Variants in TOM1L2 observed in about 807,000 individuals in gnomAD.
TOM1L2 encodes the protein TOM1-like protein 2.
In TOM1L2, 31 loss-of-function variants were observed where a neutral mutation model predicts 67.9. The observed-to-expected ratio is 0.46, with a 90% CI of 0.34 to 0.62. The LOEUF is 0.62. TOM1L2 is among the 20% of genes least tolerant of loss of function. The pLI, the probability that TOM1L2 is intolerant of heterozygous loss-of-function variation, is 0.01. For synonymous variants in TOM1L2, 256 were observed against 254.0 expected, an observed-to-expected ratio of 1.01 and a Z score of -0.07; for missense variants, 606 against 663.5, an observed-to-expected ratio of 0.91 and a Z score of 0.95.
At chr17:17,954,315 T>C (rs1206820713) in intron 1 of TOM1L2, among the ~76,000 whole-genome samples, 1 of 150,104 alleles carries the variant, frequency 6.7e-6, no homozygotes, top group Non-Finnish European at 1.5e-5. Context: ...AATCATTCTT[T>C]TTTTTTTTTT....
At chr17:17,972,089 C>T (rs2042125538) in intron 1 of TOM1L2, among the ~76,000 whole-genome samples, 173 bp downstream of exon 1, 1 of 151,524 alleles carries the variant, frequency 6.6e-6, no homozygotes, top group Non-Finnish European at 1.5e-5. Flanking sequence ...CACAAGCGCC[C>T]GGCAAAGGCC....
At chr17:17,864,563 G>A (rs1483302958) in intron 10 of TOM1L2, among the ~76,000 whole-genome samples, 2 of 150,134 alleles carry the variant, frequency 1.3e-5, no homozygotes, top group Admixed American at 6.7e-5. Context: ...TCAGGCTGCA[G>A]TGCAGTGGCA....
chr17:17,931,827 T>C (rs184918487), intron 1 of TOM1L2, among the ~76,000 whole-genome samples: 1 of 152,286 alleles, frequency 6.6e-6, no homozygotes, highest in Non-Finnish European at 1.5e-5. Context: ...GACTTCCTAT[T>C]TCACACAATA....
chr17:17,898,640 G>C lies in TOM1L2; in HGVS notation c.172C>G (p.Leu58Val). Reference protein sequence around the residue: ...KDAIRALKKRLNGNRNYREVM... With the variant: ...KDAIRALKKRVNGNRNYREVM... ...TCTCTGTAGTTCCGGTTCCCGTTGAGCCGCTTCTTCAGGGCTCGAATGGCA... is the reference window on the plus strand; with the variant it reads ...TCTCTGTAGTTCCGGTTCCCGTTGACCCGCTTCTTCAGGGCTCGAATGGCA... The change falls in exon 3 of 15, where the codon CTC becomes GTC. Residue 58 changes from leucine (L) to valine (V), a missense_variant. This residue lies in a region of TOM1L2 where 63 missense variants were observed against 109.5 expected (regional missense o/e 0.58). Coordinates refer to ENST00000379504, the MANE Select transcript of TOM1L2 (RefSeq NM_001082968.2). 6.2e-7 allele frequency: 1 copy of C among 1,614,240 alleles called. No homozygotes were observed. The highest frequency in any genetic ancestry group is 8.5e-7 in the Non-Finnish European group (1 of 1,180,048).
At chr17:17,969,101 G>C (rs2041974696) in intron 1 of TOM1L2, among the ~76,000 whole-genome samples, 1 of 149,290 alleles carries the variant, frequency 6.7e-6, no homozygotes, top group African/African-American at 2.5e-5. Context: ...CTGTCGCCCA[G>C]GCTGGAGCGC....
In TOM1L2 at chr17:17,951,670, G is replaced by C. The variant is rs774999748; in HGVS notation, c.52+20592C>G. The stretch of plus-strand genomic sequence containing the variant: ...ATAGCCTTTTTACAGGGCAAGGGGA[G>C]GCCAAGGATGCAGGAGGAACGAGTC... On this transcript the variant is annotated intron_variant, in intron 1 of 14. Coordinates refer to ENST00000379504, the MANE Select transcript of TOM1L2 (RefSeq NM_001082968.2). 2.4e-4 allele frequency among the ~76,000 whole-genome samples: 36 copies of C among 152,202 alleles called. 1 individual carries two copies. The highest frequency in any genetic ancestry group is 5.2e-4 in the Admixed American group (8 of 15,284).
intron 1 of TOM1L2, among the ~76,000 whole-genome samples, chr17:17,926,451 A>T (rs1373852755): frequency 6.6e-6 from 1 of 152,204 alleles, no homozygotes; most frequent in Non-Finnish European, 1.5e-5. Context: ...CGTGTTTCAC[A>T]TTCCAAAGCC....
chr17:17,944,176 C>T (rs1451584527), intron 1 of TOM1L2, among the ~76,000 whole-genome samples: 5 of 152,246 alleles, frequency 3.3e-5, no homozygotes, highest in Non-Finnish European at 7.3e-5. Context: ...CCCGGATAGG[C>T]AGGCAGGGGT....
intron 8 of TOM1L2, 98 bp downstream of exon 8, chr17:17,869,242 C>G: frequency 6.4e-7 from 1 of 1,569,792 alleles, no homozygotes; most frequent in Non-Finnish European, 8.6e-7. Context: ...TAATCTCTCT[C>G]CCTCTCCCTC....
At chr17:17,893,562 T>C (rs1245024383) in intron 4 of TOM1L2, 99 bp downstream of exon 4, 1 of 897,158 alleles carries the variant, frequency 1.1e-6, no homozygotes, top group Non-Finnish European at 1.6e-6. Flanking sequence ...GAAGTCTCCA[T>C]TTTTTTTTTC....
chr17:17,857,830 C>T (rs1034961244), intron 12 of TOM1L2: 1 of 1,535,752 alleles, frequency 6.5e-7, no homozygotes, highest in Non-Finnish European at 8.7e-7. Flanking sequence ...ACCTCTACCT[C>T]TCTTCTGGGC....
intron 7 of TOM1L2, among the ~76,000 whole-genome samples, chr17:17,878,455 T>G (rs111430123): frequency 2.5e-4 from 38 of 152,330 alleles, no homozygotes; most frequent in African/African-American, 8.9e-4. Flanking sequence ...CCCCTAGGAC[T>G]GTGTTTTGTG....
At chr17:17,965,929 TG>T (rs1236746704) in intron 1 of TOM1L2, among the ~76,000 whole-genome samples, 1 of 152,086 alleles carries the variant, frequency 6.6e-6, no homozygotes, top group East Asian at 1.9e-4. Flanking sequence ...GAGACCAACG[TG>T]GTCAACATGG....
At chr17:17,881,135 C>T (rs1411701737) in intron 6 of TOM1L2, among the ~76,000 whole-genome samples, 2 of 152,232 alleles carry the variant, frequency 1.3e-5, no homozygotes, top group Non-Finnish European at 2.9e-5. Context: ...AATCAATGGT[C>T]TACCAGGGAG....
intron 1 of TOM1L2, among the ~76,000 whole-genome samples, chr17:17,907,798 A>G (rs1268423854): frequency 6.6e-6 from 1 of 152,126 alleles, no homozygotes; most frequent in Non-Finnish European, 1.5e-5. Flanking sequence ...CACCCCAAAC[A>G]TGAGGATATT....
chr17:17,897,435 T>C (rs2038630870), intron 3 of TOM1L2, among the ~76,000 whole-genome samples: 2 of 152,202 alleles, frequency 1.3e-5, no homozygotes, highest in African/African-American at 4.8e-5. Context: ...ACATGGTTGT[T>C]TTGGATAAAT....
At chr17:17,852,093 C>G (rs1183010341) in intron 12 of TOM1L2, among the ~76,000 whole-genome samples, 1 of 142,636 alleles carries the variant, frequency 7.0e-6, no homozygotes, top group Non-Finnish European at 1.6e-5. Context: ...TTGCAAGACC[C>G]CTATTTCTAT....
At chr17:17,936,805 CA>C in intron 1 of TOM1L2, among the ~76,000 whole-genome samples, 1 of 152,090 alleles carries the variant, frequency 6.6e-6, no homozygotes, top group Non-Finnish European at 1.5e-5. Flanking sequence ...GAAAATACAC[CA>C]AAATGTTTAT....
chr17:17,961,376 G>A (rs926013820), intron 1 of TOM1L2, among the ~76,000 whole-genome samples: 1 of 152,030 alleles, frequency 6.6e-6, no homozygotes, highest in African/African-American at 2.4e-5. Context: ...AGACTAGTCT[G>A]GGATACATGG....
Sources: gnomAD v4.1 joint callset for allele counts (sites outside exome capture counted in the v4.1 genomes callset) on GRCh38, gnomAD v4.1.1 for gene constraint, gnomAD v4.1.1 regional missense constraint, MANE v1.5 for transcripts, NCBI Gene and HGNC (gene_info 2026-07-23, HGNC 2026-07-21) for gene names.